Variants in NTM observed in about 807,000 individuals in gnomAD.
NTM encodes neurotrimin.
Under a neutral mutation model 42.1 loss-of-function variants are expected in NTM, and 13 were observed. The ratio of observed to expected loss-of-function variants is 0.31; its 90% CI spans 0.20 to 0.49. The LOEUF is 0.49. Ranked by LOEUF, NTM falls within the 20% of genes least tolerant of loss-of-function variation. NTM has a pLI of 0.99. For synonymous variants in NTM, 187 were observed against 179.2 expected (o/e 1.04, Z -0.35); for missense variants, 373 against 452.8 (o/e 0.82, Z 1.60).
intron 1 of NTM, among the ~76,000 whole-genome samples, chr11:131,611,936 G>A (rs1056855189): frequency 2.0e-5 from 3 of 152,258 alleles, no homozygotes; most frequent in African/African-American, 7.2e-5. Context: ...ATGACTTCAG[G>A]GACCCTCACC....
intron 1 of NTM, chr11:131,537,032 A>G (rs2052349888): frequency 6.6e-6 from 1 of 152,110 alleles, no homozygotes; most frequent in African/African-American, 2.4e-5. Flanking sequence ...ATCATCCTAA[A>G]CATCACCGAC....
At chr11:131,822,791 G>C (rs1229525025) in intron 1 of NTM, among the ~76,000 whole-genome samples, 1 of 152,194 alleles carries the variant, frequency 6.6e-6, no homozygotes, top group Non-Finnish European at 1.5e-5. Context: ...GAAAACAAAA[G>C]TGAGAGTGGA....
chr11:131,850,163 A>G (rs762958892), intron 1 of NTM, among the ~76,000 whole-genome samples: 17 of 152,158 alleles, frequency 1.1e-4, no homozygotes, highest in Non-Finnish European at 2.1e-4. Context: ...ATTGACAGGT[A>G]AAATGCACCT....
chr11:131,784,397 T>A (rs2088747810), intron 1 of NTM, among the ~76,000 whole-genome samples: 1 of 149,234 alleles, frequency 6.7e-6, no homozygotes, highest in South Asian at 2.2e-4. Context: ...ATTCATACAG[T>A]GAAATTCTAT....
intron 2 of NTM, among the ~76,000 whole-genome samples, chr11:132,037,118 T>C (rs2076600866): frequency 6.6e-6 from 1 of 152,170 alleles, no homozygotes; most frequent in Non-Finnish European, 1.5e-5. Flanking sequence ...TAGGGCCTAA[T>C]AGAAGGTGTT....
intron 4 of NTM, among the ~76,000 whole-genome samples, chr11:132,264,344 GGTT>G (rs1356630145): frequency 2.6e-5 from 4 of 152,000 alleles, no homozygotes; most frequent in Non-Finnish European, 5.9e-5. Flanking sequence ...TTTTCTATTG[GGTT>G]GTTTATCATT....
At chr11:131,482,726 A>C (rs1953737674) in intron 1 of NTM, among the ~76,000 whole-genome samples, 1 of 152,218 alleles carries the variant, frequency 6.6e-6, no homozygotes, top group Admixed American at 6.5e-5. Flanking sequence ...ATCTTCTGTG[A>C]TAAGCTTTTA....
intron 3 of NTM, among the ~76,000 whole-genome samples, chr11:132,168,243 T>C (rs1263339070): frequency 2.6e-5 from 4 of 152,126 alleles, no homozygotes; most frequent in African/African-American, 9.7e-5. Context: ...CTCTCAGAAA[T>C]ACATCTAAAG....
At chr11:131,639,520 T>C (rs912051071) in intron 1 of NTM, among the ~76,000 whole-genome samples, 1 of 152,228 alleles carries the variant, frequency 6.6e-6, no homozygotes, top group Non-Finnish European at 1.5e-5. Context: ...TAGTTCTGCA[T>C]AGTTGGGAAC....
At chr11:131,577,895 G>A (rs1025762381) in intron 1 of NTM, among the ~76,000 whole-genome samples, 1 of 152,170 alleles carries the variant, frequency 6.6e-6, no homozygotes, top group Non-Finnish European at 1.5e-5. Context: ...TTTCAGGAAG[G>A]CATTTTACAA....
rs73043978 is a variant in NTM at position 132,303,732 on chromosome 11, C to A, written c.527-3957C>A. On this transcript the variant is annotated intron_variant, in intron 4 of 8. Coordinates refer to ENST00000683400, the MANE Select transcript of NTM (RefSeq NM_001352005.2). ...GGTGACAAAAAAAAAAAAAAAAAAA[C>A]AATCTGTGAAGAACAAATCATCATG... is the stretch of plus-strand genomic sequence containing the variant. Among the ~76,000 whole-genome samples the A allele has an allele frequency of 7.9e-3, 614 of 77,424 alleles. 22 individuals are homozygous for A. Among genetic ancestry groups the A allele is most frequent in the Middle Eastern group, 0.01 (1 of 96 alleles). The allele number at this position is 77,424 out of a possible 152,430, so 50.8% of individuals were successfully genotyped here. A position where few individuals can be genotyped will look rare whatever the true frequency, so the allele number is the denominator to read the frequency against.
intron 1 of NTM, among the ~76,000 whole-genome samples, chr11:131,871,837 T>C (rs2047821736): frequency 6.6e-6 from 1 of 152,206 alleles, no homozygotes; most frequent in African/African-American, 2.4e-5. Flanking sequence ...GTCTTTCCTT[T>C]GTCATCAGGT....
chr11:131,543,726 C>T (rs1336485039), intron 1 of NTM, among the ~76,000 whole-genome samples: 1 of 152,234 alleles, frequency 6.6e-6, no homozygotes, highest in Non-Finnish European at 1.5e-5. Context: ...CTCTCCCTTG[C>T]CCAGTCCTTC....
At chr11:132,044,353 G>A (rs2077685099) in intron 2 of NTM, among the ~76,000 whole-genome samples, 2 of 152,106 alleles carry the variant, frequency 1.3e-5, no homozygotes, top group South Asian at 4.1e-4. Context: ...GTATGTTACG[G>A]CTTACCTTTT....
chr11:131,884,315 A>C (rs1218050539), intron 1 of NTM, among the ~76,000 whole-genome samples: 1 of 152,172 alleles, frequency 6.6e-6, no homozygotes, highest in Non-Finnish European at 1.5e-5. Flanking sequence ...AGGCTGAGGC[A>C]GGAGAATCAT....
intron 1 of NTM, chr11:131,794,636 T>A: frequency 3.0e-6 from 3 of 985,028 alleles, no homozygotes; most frequent in Non-Finnish European, 3.6e-6. Context: ...AATGAATGAA[T>A]GAATGAATGA....
chr11:131,467,651 G>T (rs1374466520), intron 1 of NTM, among the ~76,000 whole-genome samples: 3 of 152,216 alleles, frequency 2.0e-5, no homozygotes, highest in Admixed American at 6.5e-5. Context: ...CAATCCATGA[G>T]AGGTTATTAA....
intron 1 of NTM, among the ~76,000 whole-genome samples, chr11:131,600,455 A>G (rs539997378): frequency 6.6e-6 from 1 of 152,272 alleles, no homozygotes; most frequent in South Asian, 2.1e-4. Context: ...TGGAAAATCC[A>G]TTTCATTCCA....
intron 4 of NTM, among the ~76,000 whole-genome samples, chr11:132,254,832 C>T (rs549562495): frequency 1.4e-4 from 21 of 152,244 alleles, no homozygotes; most frequent in South Asian, 4.2e-4. Context: ...TCATTCTTGG[C>T]GCCATTGATA....
Sources: allele counts gnomAD v4.1 joint callset (sites outside exome capture counted in the v4.1 genomes callset), GRCh38; gene constraint gnomAD v4.1.1; transcripts MANE v1.5; gene names NCBI Gene and HGNC (gene_info 2026-07-23, HGNC 2026-07-21).